The following LRRTM4 variants were observed in gnomAD, a reference collection of about 807,000 sequenced individuals.
LRRTM4 encodes the protein leucine-rich repeat transmembrane neuronal protein 4.
A neutral mutation model predicts 47.6 loss-of-function variants in LRRTM4; 25 were observed. The ratio of observed to expected loss-of-function variants is 0.53; its 90% CI spans 0.38 to 0.73. The LOEUF is 0.73. Ranked by LOEUF, LRRTM4 falls within the 30% of genes least tolerant of loss-of-function variation. The pLI is 0.00. For missense variants in LRRTM4, 638 were observed against 713.4 expected (o/e 0.89, Z 1.20); for synonymous variants, 311 against 269.5 (o/e 1.15, Z -1.51).
chr2:76,964,489 C>T (rs1016852315), intron 3 of LRRTM4, among the ~76,000 whole-genome samples: 2 of 150,706 alleles, frequency 1.3e-5, no homozygotes, highest in Non-Finnish European at 3.0e-5. Flanking sequence ...TGAAATTTAC[C>T]AATTGTTTTT....
intron 3 of LRRTM4, among the ~76,000 whole-genome samples, chr2:76,906,624 T>C (rs1184183654): frequency 9.9e-5 from 15 of 151,758 alleles, no homozygotes; most frequent in Admixed American, 2.0e-4. Context: ...GAGACACACA[T>C]AGGCTCAAAA....
intron 3 of LRRTM4, among the ~76,000 whole-genome samples, chr2:76,851,399 A>C (rs1671990610): frequency 6.6e-6 from 1 of 152,136 alleles, no homozygotes; most frequent in South Asian, 2.1e-4. Context: ...CTGCAAATGT[A>C]ATTTGGGTTT....
chr2:77,155,490 A>C (rs1383039994), intron 3 of LRRTM4, among the ~76,000 whole-genome samples: 1 of 151,886 alleles, frequency 6.6e-6, no homozygotes, highest in Non-Finnish European at 1.5e-5. Context: ...ACATTTTCAG[A>C]AAATACAAAG....
intron 3 of LRRTM4, among the ~76,000 whole-genome samples, chr2:77,368,390 C>T (rs1489628341): frequency 6.6e-6 from 1 of 151,596 alleles, no homozygotes; most frequent in African/African-American, 2.4e-5. Context: ...CTTTCTTTTC[C>T]CTTGTCTTTG....
At chr2:77,152,976 AT>A (rs1394031017) in intron 3 of LRRTM4, among the ~76,000 whole-genome samples, 1 of 152,186 alleles carries the variant, frequency 6.6e-6, no homozygotes, top group African/African-American at 2.4e-5. Flanking sequence ...TAATTTTGAA[AT>A]GTAATATTCT....
chr2:77,232,831 A>C (rs577972818), intron 3 of LRRTM4, among the ~76,000 whole-genome samples: 1 of 152,248 alleles, frequency 6.6e-6, no homozygotes, highest in East Asian at 1.9e-4. Flanking sequence ...AGTAACTTGC[A>C]TCTTAAGATC....
Position 77,298,291 on chromosome 2 carries a change from C to T in LRRTM4, c.1551+220027G>A, listed in dbSNP as rs1471048094. 4.6e-5 allele frequency among the ~76,000 whole-genome samples: 7 copies of T among 152,350 alleles called. No homozygotes were observed. The East Asian group carries it at 1.2e-3, about 25-fold the overall frequency. ...TCGCTCTGTCGCCCAGGCTGGAGTG[C>T]AGTGGCACGATCTCGGCTCACTGCA... is the stretch of plus-strand genomic sequence containing the variant. On this transcript the variant is annotated intron_variant, in intron 3 of 3. Transcript: ENST00000409884.
intron 3 of LRRTM4, among the ~76,000 whole-genome samples, chr2:77,326,581 A>G (rs1020798010): frequency 6.6e-6 from 1 of 152,014 alleles, no homozygotes; most frequent in Non-Finnish European, 1.5e-5. Context: ...ACTTTTGTAG[A>G]GACAGGGTCT....
intron 3 of LRRTM4, among the ~76,000 whole-genome samples, chr2:77,461,145 G>GAGAGAGAGAGAGAGAGAGAGAGAGAGAT (rs1313326675): frequency 1.3e-5 from 2 of 150,202 alleles, no homozygotes; most frequent in Non-Finnish European, 3.0e-5. Flanking sequence ...CAGTGAGAGA[G>GAGAGAGAGAGAGAGAGAGAGAGAGAGAT]AGAGAGAGAG....
chr2:77,461,138 TGA>T (rs72075725), intron 3 of LRRTM4, among the ~76,000 whole-genome samples: 28,030 of 145,132 alleles, frequency 0.19, 2,480 homozygotes, highest in East Asian at 0.23. Context: ...ACATACACAG[TGA>T]GAGAGAGAGA....
chr2:77,395,279 C>G (rs1379552736), intron 3 of LRRTM4, among the ~76,000 whole-genome samples: 1 of 151,832 alleles, frequency 6.6e-6, no homozygotes, highest in Non-Finnish European at 1.5e-5. Context: ...GTCTCCTTAG[C>G]CAAAAGGGAG....
At chr2:76,961,299 G>A (rs987692523) in intron 3 of LRRTM4, among the ~76,000 whole-genome samples, 5 of 151,050 alleles carry the variant, frequency 3.3e-5, no homozygotes, top group African/African-American at 7.3e-5. Flanking sequence ...CCATATCATC[G>A]TTTTCTGAGT....
chr2:76,991,904 G>T (rs1040637284), intron 3 of LRRTM4, among the ~76,000 whole-genome samples: 8 of 151,690 alleles, frequency 5.3e-5, no homozygotes, highest in African/African-American at 1.9e-4. Flanking sequence ...TTAGCAACTG[G>T]AATCCAACAG....
At chr2:76,892,892 A>G (rs1014139085) in intron 3 of LRRTM4, among the ~76,000 whole-genome samples, 1 of 151,650 alleles carries the variant, frequency 6.6e-6, no homozygotes, top group Non-Finnish European at 1.5e-5. Flanking sequence ...ATGTGGTAAG[A>G]AACATTGAAA....
chr2:77,007,165 T>TACACAC (rs145356845), intron 3 of LRRTM4, among the ~76,000 whole-genome samples: 1 of 150,552 alleles, frequency 6.6e-6, no homozygotes, highest in African/African-American at 2.4e-5. Context: ...TATATATATA[T>TACACAC]ACACACACAC....
intron 3 of LRRTM4, among the ~76,000 whole-genome samples, chr2:76,916,376 C>T (rs1466255559): frequency 1.2e-5 from 1 of 80,284 alleles, no homozygotes; most frequent in African/African-American, 5.2e-5. Context: ...CAGAGCGAGA[C>T]TGTGTCTCAA....
At chr2:76,838,765 T>G (rs183254756) in intron 3 of LRRTM4, among the ~76,000 whole-genome samples, 1 of 152,092 alleles carries the variant, frequency 6.6e-6, no homozygotes, top group East Asian at 1.9e-4. Context: ...TATTTTGACG[T>G]TGAACATGGG....
At chr2:77,500,301 A>T (rs914962477) in intron 3 of LRRTM4, among the ~76,000 whole-genome samples, 1 of 151,824 alleles carries the variant, frequency 6.6e-6, no homozygotes, top group Non-Finnish European at 1.5e-5. Flanking sequence ...ATTTAAAAAA[A>T]TGTGAATTTG....
chr2:77,068,533 T>A (rs1680037253), intron 3 of LRRTM4, among the ~76,000 whole-genome samples: 1 of 152,222 alleles, frequency 6.6e-6, no homozygotes, highest in South Asian at 2.1e-4. Flanking sequence ...ATCCTGAACA[T>A]TTCATATAAC....
Sources: gnomAD v4.1 joint callset for allele counts (sites outside exome capture counted in the v4.1 genomes callset) on GRCh38, gnomAD v4.1.1 for gene constraint, MANE v1.5 for transcripts, NCBI Gene and HGNC (gene_info 2026-07-23, HGNC 2026-07-21) for gene names.